The following FAT4 variants were observed in gnomAD, a reference collection of about 807,000 sequenced individuals.
FAT4 encodes FAT atypical cadherin 4, also known as protocadherin Fat 4.
A neutral mutation model predicts 303.9 loss-of-function variants in FAT4; 84 were observed. That is an observed-to-expected ratio of 0.28 (90% CI 0.23 to 0.33). FAT4 has a LOEUF of 0.33. Among genes scored for constraint, FAT4 ranks in the 10% least tolerant of loss-of-function variants. The probability of loss-of-function intolerance (pLI) is 1.00; values close to 1 mark genes in which losing one functional copy is unlikely to be tolerated. For missense variants in FAT4, 6,005 were observed against 6,146.8 expected, an observed-to-expected ratio of 0.98 and a Z score of 0.77; for synonymous variants, 2,307 against 2,298.8, an observed-to-expected ratio of 1.00 and a Z score of -0.10.
intron 2 of FAT4, among the ~76,000 whole-genome samples, chr4:125,390,335 G>A (rs1282443597): frequency 6.6e-6 from 1 of 152,118 alleles, no homozygotes. Flanking sequence ...TGCATTGTGG[G>A]CAAACTCATA....
At chr4:125,474,583 G>C (rs950890060) in intron 12 of FAT4, among the ~76,000 whole-genome samples, 1 of 151,714 alleles carries the variant, frequency 6.6e-6, no homozygotes, top group Non-Finnish European at 1.5e-5. Context: ...AGAGTTTACT[G>C]TATAGAGCTT....
chr4:125,389,896 G>A (rs945523364), intron 2 of FAT4, among the ~76,000 whole-genome samples: 3 of 152,122 alleles, frequency 2.0e-5, no homozygotes, highest in Admixed American at 6.6e-5. Context: ...AATGCAAACT[G>A]TTCTTTGTTA....
At chr4:125,429,584 A>G (rs531252589) in intron 7 of FAT4, among the ~76,000 whole-genome samples, 1 of 152,230 alleles carries the variant, frequency 6.6e-6, no homozygotes. Flanking sequence ...TAACAAAATC[A>G]AACAAGAATA....
chr4:125,411,757 A>T (rs949989314), intron 5 of FAT4, among the ~76,000 whole-genome samples: 2 of 148,502 alleles, frequency 1.3e-5, no homozygotes, highest in African/African-American at 4.9e-5. Flanking sequence ...TTTATAATAT[A>T]TATTTTATGT....
intron 10 of FAT4, among the ~76,000 whole-genome samples, chr4:125,456,652 A>G (rs971848934): frequency 1.3e-5 from 2 of 152,128 alleles, no homozygotes; most frequent in Non-Finnish European, 2.9e-5. Context: ...ATAGTTTGTT[A>G]ATTTTTTTTG....
chr4:125,339,308 G>C lies in FAT4; in HGVS notation c.5175+17722G>C, dbSNP rs189921289. Among the ~76,000 whole-genome samples, 749 of 151,680 alleles carry C rather than the reference G, an allele frequency of 4.9e-3. 32 individuals carry two copies. The South Asian group carries it at 0.075, about 15-fold the overall frequency. On this transcript the variant is annotated intron_variant, in intron 2 of 17. Coordinates refer to ENST00000394329, the MANE Select transcript of FAT4 (RefSeq NM_001291303.3). ...CCTCCCGGGTTCAAGCGATTCTCCT[G>C]CCTCAGCCTCCCGAGTAGCTGGGAT...
chr4:125,402,875 T>C (rs1050745376), intron 3 of FAT4, among the ~76,000 whole-genome samples: 1 of 152,036 alleles, frequency 6.6e-6, no homozygotes, highest in Non-Finnish European at 1.5e-5. Flanking sequence ...ATGGTATATT[T>C]GTTTTAGGTA....
At position 125,449,634 on chromosome 4, in the gene FAT4, G is replaced by A. The variant is rs765905172; in HGVS notation, c.8624G>A (p.Ser2875Asn). ...ATCAATGACAATGCTCCAAGATTTAGCAGAACTTCCTATTATTTAGATTGC... is the reference window on the plus strand; with the variant it reads ...ATCAATGACAATGCTCCAAGATTTAACAGAACTTCCTATTATTTAGATTGC... ...TDINDNAPRF[S>N]RTSYYLDCPE... Residue 2875 changes from serine to asparagine, a missense_variant, in exon 10 of 18, where the codon AGC (serine) becomes AAC (asparagine). By Grantham distance (46) the Ser-to-Asn change is conservative. Coordinates refer to ENST00000394329, the MANE Select transcript of FAT4 (RefSeq NM_001291303.3). 3 of 1,613,762 alleles carry A rather than the reference G, an allele frequency of 1.9e-6. No individual in the cohort carries two copies. The highest frequency in any genetic ancestry group is 2.2e-5 in the East Asian group (1 of 44,866).
chr4:125,395,375 T>A (rs563311108), intron 2 of FAT4, among the ~76,000 whole-genome samples: 2 of 152,164 alleles, frequency 1.3e-5, no homozygotes, highest in East Asian at 3.9e-4. Flanking sequence ...AGTGATGCCA[T>A]CTTGGCTCAC....
At position 125,450,296 on chromosome 4, in the gene FAT4, A is replaced by C. The variant is rs371572890; in HGVS notation, c.9286A>C (p.Met3096Leu). ...YHTPEFSQSH[M>L]SATIPESHSI... ...TACACCTGAATTCTCTCAAAGCCAC[A>C]TGAGTGCAACCATCCCTGAGAGCCA... Residue 3096 changes from methionine to leucine, a missense_variant, in exon 10 of 18, where the codon ATG becomes CTG. Transcript: ENST00000394329. The C allele has an allele frequency of 6.2e-7, 1 of 1,613,996 alleles. No individual in the cohort carries two copies. Among genetic ancestry groups the C allele is most frequent in the Non-Finnish European group, 8.5e-7 (1 of 1,179,996 alleles).
rs1553929345 is a variant in FAT4 at position 125,472,089 on chromosome 4, A to AAAG, written c.12213+3270_12213+3271insAAG. 4.7e-3 allele frequency among the ~76,000 whole-genome samples: 651 copies of AAAG among 138,052 alleles called. 25 individuals are homozygous for AAAG. The highest frequency in any genetic ancestry group is 8.4e-3 in the Admixed American group (112 of 13,394). 90.6% of individuals were successfully genotyped at this position (138,052 alleles called of 152,430 possible). A position where few individuals can be genotyped will look rare whatever the true frequency, so the allele number is the denominator to read the frequency against. ...CTCTGTCTCAAAAAAAAAAAAAAAAAGGGTAGTTACTGGTAAGATTTATAA... is the reference window on the plus strand; with the variant it reads ...CTCTGTCTCAAAAAAAAAAAAAAAAAAAGGGGTAGTTACTGGTAAGATTTATAA... On this transcript the variant is annotated intron_variant, in intron 12 of 17. Transcript: ENST00000394329.
Position 125,446,360 on chromosome 4 carries a change from G to T in FAT4, c.7267G>T (p.Ala2423Ser), listed in dbSNP as rs776977766. The change falls in exon 9 of 18, where the codon GCA (alanine) becomes TCA (serine). Residue 2423 changes from alanine (A) to serine (S), a missense_variant. Transcript: ENST00000394329. The part of the protein sequence containing the change: ...NPSTGQIITS[A>S]LLDRETKDNY... ...ATCGACAGGACAAATCATCACCAGC[G>T]CATTGTTAGATAGGGAAACAAAAGA... 7.4e-6 allele frequency: 12 copies of T among 1,612,946 alleles called. No homozygotes were observed. Among genetic ancestry groups the T allele is most frequent in the Non-Finnish European group, 8.5e-6 (10 of 1,179,190 alleles).
At chr4:125,485,283 T>TTC (rs386401405) in intron 16 of FAT4, among the ~76,000 whole-genome samples, 2 of 72 alleles carry the variant, frequency 0.028, no homozygotes, top group Admixed American at 0.25. Context: ...GTTTATAAAC[T>TTC]TAAAATTTTT....
intron 2 of FAT4, among the ~76,000 whole-genome samples, chr4:125,324,911 AT>A (rs1204818784): frequency 1.3e-5 from 2 of 152,230 alleles, no homozygotes; most frequent in East Asian, 3.9e-4. Context: ...AAAAAAGTTT[AT>A]TTTTTCTAAC....
At chr4:125,442,643 T>G (rs996910575) in intron 8 of FAT4, among the ~76,000 whole-genome samples, 2 of 152,146 alleles carry the variant, frequency 1.3e-5, no homozygotes, top group African/African-American at 4.8e-5. Context: ...ATGAGGTATA[T>G]GAAACATAAA....
intron 2 of FAT4, among the ~76,000 whole-genome samples, chr4:125,331,495 A>G (rs2710534): frequency 0.67 from 102,232 of 152,024 alleles, 34,983 homozygotes; most frequent in African/African-American, 0.78. Context: ...TTGGCTAAGA[A>G]CGTGTAACCC....
At chr4:125,340,037 A>C (rs1323677039) in intron 2 of FAT4, among the ~76,000 whole-genome samples, 1 of 152,140 alleles carries the variant, frequency 6.6e-6, no homozygotes, top group East Asian at 1.9e-4. Flanking sequence ...GCAGGATTTT[A>C]ATCAAATGAA....
chr4:125,462,432 T>G (rs1560623671), intron 10 of FAT4, among the ~76,000 whole-genome samples: 1 of 151,982 alleles, frequency 6.6e-6, no homozygotes, highest in Non-Finnish European at 1.5e-5. Flanking sequence ...AATCCTACTC[T>G]CAATGAAAAG....
intron 2 of FAT4, among the ~76,000 whole-genome samples, chr4:125,350,177 A>C (rs935951636): frequency 4.0e-5 from 6 of 151,644 alleles, no homozygotes; most frequent in African/African-American, 1.5e-4. Context: ...GCAGCAATTC[A>C]TGCACTTTAG....
Sources: allele counts gnomAD v4.1 joint callset (sites outside exome capture counted in the v4.1 genomes callset), GRCh38; gene constraint gnomAD v4.1.1; transcripts MANE v1.5; gene names NCBI Gene and HGNC (gene_info 2026-07-23, HGNC 2026-07-21).